Variants in PNKD observed in about 807,000 individuals in gnomAD.
PNKD encodes the protein PNKD metallo-beta-lactamase domain containing, also known as probable thioesterase PNKD.
In PNKD, 36 loss-of-function variants were observed where a neutral mutation model predicts 45.3. The ratio of observed to expected loss-of-function variants is 0.80; its 90% confidence interval spans 0.61 to 1.05. The LOEUF is 1.05. PNKD is among the 50% of genes least tolerant of loss of function. The pLI, the probability that PNKD is intolerant of heterozygous loss-of-function variation, is 0.00. For synonymous variants in PNKD, 197 were observed against 210.1 expected, an observed-to-expected ratio of 0.94 and a Z score of 0.54; for missense variants, 511 against 506.6, an observed-to-expected ratio of 1.01 and a Z score of -0.08.
intron 2 of PNKD, among the ~76,000 whole-genome samples, chr2:218,334,198 C>T (rs1435059010): frequency 6.6e-6 from 1 of 152,042 alleles, no homozygotes; most frequent in African/African-American, 2.4e-5. Flanking sequence ...ATATGCCTCT[C>T]GCCCCTGAAT....
intron 2 of PNKD, among the ~76,000 whole-genome samples, chr2:218,282,955 GCTA>G (rs1352094562): frequency 6.6e-6 from 1 of 152,206 alleles, no homozygotes; most frequent in Non-Finnish European, 1.5e-5. Context: ...CTCTGGCCTT[GCTA>G]GGGAAGAGAG....
At chr2:218,315,078 C>CCTTCCTTCT in intron 2 of PNKD, among the ~76,000 whole-genome samples, 1 of 92,206 alleles carries the variant, frequency 1.1e-5, no homozygotes, top group African/African-American at 3.4e-5. Flanking sequence ...TCCTTCCTTT[C>CCTTCCTTCT]TTTCTCTCTC....
chr2:218,323,714 A>C (rs1694063153), intron 2 of PNKD, among the ~76,000 whole-genome samples: 1 of 151,886 alleles, frequency 6.6e-6, no homozygotes, highest in African/African-American at 2.4e-5. Flanking sequence ...GCAAAGTGCC[A>C]CAGAATGGGC....
chr2:218,305,084 A>C (rs1453603889), intron 2 of PNKD, among the ~76,000 whole-genome samples: 1 of 151,158 alleles, frequency 6.6e-6, no homozygotes, highest in Non-Finnish European at 1.5e-5. Flanking sequence ...AAAATAAATA[A>C]ATAAATAAAG....
rs1470672007 is a variant in PNKD, at chr2:218,344,756, T to C, written c.985-52T>C. The C allele has an allele frequency of 5.7e-6, 9 of 1,579,396 alleles. No individual in the cohort carries two copies. The East Asian group carries it at 2.0e-4, about 35-fold the overall frequency. On this transcript the variant is annotated intron_variant, in intron 9 of 9. Coordinates refer to ENST00000273077, the MANE Select transcript of PNKD (RefSeq NM_015488.5). ...GGGGTCGGGTCAGGCTTCTCTGTCT[T>C]GGGTCCATTTCCCAGCTTCTCTCCA...
chr2:218,320,989 C>G lies in PNKD; in HGVS notation c.237-18794C>G, dbSNP rs142595725. ...CTGCATGACTCCCCTAAAACACTCA[C>G]CCTCACTCCTTTTCCCAGTCCCGCC... On this transcript the variant is annotated intron_variant, in intron 2 of 9. Transcript: ENST00000273077. 1.4e-4 allele frequency among the ~76,000 whole-genome samples: 22 copies of G among 152,286 alleles called. 1 individual carries two copies. The East Asian group carries it at 4.0e-3, about 28-fold the overall frequency.
chr2:218,291,779 C>T (rs923443574), intron 2 of PNKD, among the ~76,000 whole-genome samples: 1 of 152,046 alleles, frequency 6.6e-6, no homozygotes, highest in Admixed American at 6.5e-5. Flanking sequence ...AAAGAAGTCA[C>T]GAGGAGGATG....
chr2:218,315,082 C>CCTTCCTTCCTT (rs3055251), intron 2 of PNKD, among the ~76,000 whole-genome samples: 9 of 77,882 alleles, frequency 1.2e-4, no homozygotes, highest in African/African-American at 2.0e-4. Context: ...TCCTTTCTTT[C>CCTTCCTTCCTT]TCTCTCTCTC....
intron 2 of PNKD, among the ~76,000 whole-genome samples, chr2:218,288,361 G>A (rs1175680049): frequency 3.3e-5 from 5 of 152,182 alleles, no homozygotes; most frequent in East Asian, 3.9e-4. Flanking sequence ...CCCGGGAGGC[G>A]GAGCTTGCAG....
intron 2 of PNKD, chr2:218,323,255 G>C (rs772460427): frequency 2.0e-6 from 3 of 1,498,174 alleles, no homozygotes; most frequent in African/African-American, 2.9e-5. Flanking sequence ...GCCGGCGCGT[G>C]CCTGCCCCCA....
rs116144189 is a variant in PNKD at position 218,344,525 on chromosome 2, G to A, written c.939G>A (p.Arg313=). 27,104 of 1,593,238 alleles carry A rather than the reference G, an allele frequency of 0.017. 287 individuals carry two copies. The highest frequency in any genetic ancestry group is 0.02 in the Non-Finnish European group (22,890 of 1,169,742). ...VVEPENLARE[R]KMQWVQRQRL... ...AGCCCGAGAACCTGGCCCGGGAGAG[G>A]AAGATGCAGTGGGTGCAGCGGCAGC... Residue 313 remains arginine (R), a synonymous_variant, in exon 9 of 10, where the codon AGG becomes AGA. Transcript: ENST00000273077.
chr2:218,303,849 C>T (rs2106253811), intron 2 of PNKD, among the ~76,000 whole-genome samples: 1 of 152,152 alleles, frequency 6.6e-6, no homozygotes, highest in South Asian at 2.1e-4. Context: ...GCTGGGATTA[C>T]AGGTGTGAGC....
intron 2 of PNKD, among the ~76,000 whole-genome samples, chr2:218,278,839 C>A (rs558446347): frequency 6.6e-6 from 1 of 152,324 alleles, no homozygotes; most frequent in South Asian, 2.1e-4. Context: ...ACCAGCAGGT[C>A]CCACTCTTGC....
chr2:218,276,716 C>T (rs1292532426), intron 2 of PNKD, among the ~76,000 whole-genome samples: 1 of 152,228 alleles, frequency 6.6e-6, no homozygotes, highest in African/African-American at 2.4e-5. Flanking sequence ...CCTCCGAGAA[C>T]CTGATTCTCA....
intron 5 of PNKD, among the ~76,000 whole-genome samples, chr2:218,341,274 C>A (rs1694665567): frequency 6.6e-6 from 1 of 152,180 alleles, no homozygotes; most frequent in African/African-American, 2.4e-5. Flanking sequence ...ACGGTGTGAT[C>A]AGATCCACTT....
Position 218,323,310 on chromosome 2 carries a change from G to A in PNKD, c.237-16473G>A, listed in dbSNP as rs779248698. 8.3e-6 allele frequency: 13 copies of A among 1,560,388 alleles called. No homozygotes were observed. The East Asian group carries it at 2.8e-4, about 33-fold the overall frequency. On this transcript the variant is annotated intron_variant, in intron 2 of 9. Transcript: ENST00000273077. ...GCCCGCGGCGTGGCAGTGGGTCGCC[G>A]GCTGCTGGCTCCTCCTCGTCCTTGT...
intron 2 of PNKD, among the ~76,000 whole-genome samples, chr2:218,312,565 TAA>T (rs5838691): frequency 1.4e-5 from 2 of 141,436 alleles, no homozygotes; most frequent in African/African-American, 2.6e-5. Flanking sequence ...CCATGTTGTT[TAA>T]AAAAAAAAAA....
At chr2:218,331,924 G>A (rs1694335623) in intron 2 of PNKD, among the ~76,000 whole-genome samples, 1 of 152,180 alleles carries the variant, frequency 6.6e-6, no homozygotes, top group Admixed American at 6.5e-5. Flanking sequence ...AGTATGTTGG[G>A]ATTTATTTGT....
chr2:218,316,154 C>A (rs1693805996), intron 2 of PNKD, among the ~76,000 whole-genome samples: 1 of 152,128 alleles, frequency 6.6e-6, no homozygotes, highest in Non-Finnish European at 1.5e-5. Flanking sequence ...AACTGAAATG[C>A]CATCTACCAC....
Sources: allele counts gnomAD v4.1 joint callset (sites outside exome capture counted in the v4.1 genomes callset), GRCh38; gene constraint gnomAD v4.1.1; transcripts MANE v1.5; gene names NCBI Gene and HGNC (gene_info 2026-07-23, HGNC 2026-07-21).